The following ARRDC3 variants were observed in gnomAD, a reference collection of about 807,000 sequenced individuals.
ARRDC3 encodes the protein arrestin domain-containing protein 3.
ARRDC3 carries 10 observed loss-of-function variants against 47.2 expected under a neutral mutation model. The observed-to-expected ratio is 0.21, with a 90% CI of 0.13 to 0.36. The LOEUF (loss-of-function observed/expected upper bound fraction) is 0.36. ARRDC3 is among the 10% of genes least tolerant of loss of function. The probability of loss-of-function intolerance (pLI) is 1.00; values close to 1 mark genes in which losing one functional copy is unlikely to be tolerated. For synonymous variants in ARRDC3, 156 were observed against 178.3 expected (o/e 0.87, Z 1.00); for missense variants, 381 against 503.6 (o/e 0.76, Z 2.33).
Position 91,370,221 on chromosome 5 carries a change from ACT to A in ARRDC3, c.*1177_*1178del, listed in dbSNP as rs1336073681. On this transcript the variant is annotated 3_prime_UTR_variant, in exon 8 of 8. Coordinates refer to ENST00000265138, the MANE Select transcript of ARRDC3 (RefSeq NM_020801.4). ...TATGTGTTTTGGAGGTAATTAAGTA[ACT>A]CTGTATAAAAATAAATGCACTTTTC... The A allele has an allele frequency of 6.6e-6, 1 of 152,510 alleles. No homozygotes were observed. The highest frequency in any genetic ancestry group is 2.4e-5 in the African/African-American group (1 of 41,408). 9.4% of individuals were successfully genotyped at this position (152,510 alleles called of 1,614,324 possible). A position where few individuals can be genotyped will look rare whatever the true frequency, so the allele number is the denominator to read the frequency against.
At chr5:91,379,751 C>A (rs2127075385) in intron 1 of ARRDC3, 1 of 151,982 alleles carries the variant, frequency 6.6e-6, no homozygotes, top group East Asian at 1.9e-4. Context: ...TTACGATTAG[C>A]CCCCAGAGTA....
chr5:91,373,433 A>G (rs188685849), intron 7 of ARRDC3, among the ~76,000 whole-genome samples: 2,136 of 147,866 alleles, frequency 0.014, 49 homozygotes, highest in African/African-American at 0.05. Context: ...AAAGTTTAAG[A>G]GAAAAAAAAA....
At chr5:91,374,899 A>G (rs1245482455) in intron 5 of ARRDC3, 23 bp downstream of exon 5, 1 of 1,603,720 alleles carries the variant, frequency 6.2e-7, no homozygotes, top group Admixed American at 1.7e-5. Context: ...AGAAAGGAAA[A>G]AACCTCTTAA....
At position 91,368,697 on chromosome 5, in the gene ARRDC3, T is replaced by C. The variant is rs1460831102; in HGVS notation, c.*2703A>G. The C allele has an allele frequency of 2.6e-5, 4 of 152,298 alleles. No homozygotes were observed. Among genetic ancestry groups the C allele is most frequent in the Non-Finnish European group, 4.4e-5 (3 of 68,024 alleles). The allele number at this position is 152,298 out of a possible 1,614,324, so 9.4% of individuals were successfully genotyped here. The stretch of plus-strand genomic sequence containing the variant: ...CATGTATGGTGAGTTACTAATATGA[T>C]CAAGATTCAAATAAATCTCCAAACA... On this transcript the variant is annotated 3_prime_UTR_variant, in exon 8 of 8. Transcript: ENST00000265138.
intron 3 of ARRDC3, 155 bp downstream of exon 3, chr5:91,376,466 G>A: frequency 1.5e-6 from 1 of 663,536 alleles, no homozygotes; most frequent in Non-Finnish European, 2.4e-6. Flanking sequence ...ATTAATTTCA[G>A]TGTTCTTGAC....
At chr5:91,378,874 AC>A in intron 1 of ARRDC3, 99 bp from the exon 2 acceptor site, 2 of 633,720 alleles carry the variant, frequency 3.2e-6, no homozygotes, top group Non-Finnish European at 5.2e-6. Context: ...AACAATTAAG[AC>A]CACAAAACAA....
chr5:91,376,866 TG>T, intron 2 of ARRDC3, 98 bp from the exon 3 acceptor site: 1 of 1,159,358 alleles, frequency 8.6e-7, no homozygotes, highest in Non-Finnish European at 1.1e-6. Context: ...GTATTGTTTA[TG>T]TTCCAATGAG....
At chr5:91,380,813 C>T (rs1293443758) in intron 1 of ARRDC3, 2 of 152,280 alleles carry the variant, frequency 1.3e-5, no homozygotes, top group Non-Finnish European at 2.9e-5. Context: ...GCCCTCTACT[C>T]AGTTAAAGCC....
chr5:91,375,774 G>A (rs1035734986), intron 3 of ARRDC3, among the ~76,000 whole-genome samples, 161 bp from the exon 4 acceptor site: 3 of 150,964 alleles, frequency 2.0e-5, no homozygotes, highest in East Asian at 1.9e-4. Flanking sequence ...TTAACTAACC[G>A]ATGGTTTTGA....
At chr5:91,380,301 C>T (rs1799420095) in intron 1 of ARRDC3, 1 of 153,004 alleles carries the variant, frequency 6.5e-6, no homozygotes, top group Non-Finnish European at 1.5e-5. Flanking sequence ...CCCGCGCAAC[C>T]TAGCCTGCTG....
In ARRDC3 at chr5:91,370,005, A is replaced by C. The variant is rs1184245446; in HGVS notation, c.*1395T>G. On this transcript the variant is annotated 3_prime_UTR_variant, in exon 8 of 8. Coordinates refer to ENST00000265138, the MANE Select transcript of ARRDC3 (RefSeq NM_020801.4). ...TCTCATTAGAAAAACACAAAAATCC[A>C]AAAGATTTATCGCAGCAAACGTTCT... is the stretch of plus-strand genomic sequence containing the variant. 2.0e-5 allele frequency: 3 copies of C among 152,228 alleles called. No homozygotes were observed. Among genetic ancestry groups the C allele is most frequent in the Non-Finnish European group, 2.9e-5 (2 of 68,036 alleles). The allele number at this position is 152,228 out of a possible 1,614,324, so 9.4% of individuals were successfully genotyped here.
At chr5:91,379,017 AT>A (rs1293768284) in intron 1 of ARRDC3, among the ~76,000 whole-genome samples, 1 of 152,042 alleles carries the variant, frequency 6.6e-6, no homozygotes, top group East Asian at 1.9e-4. Flanking sequence ...CAGGCTTTTT[AT>A]TTTTTCTAAT....
rs935998830 is a variant in ARRDC3 at position 91,378,770 on chromosome 5, C to T, written c.286G>A (p.Asp96Asn). 1 of 1,585,796 alleles carries T rather than the reference C, an allele frequency of 6.3e-7. No individual in the cohort carries two copies. Residue 96 changes from aspartate to asparagine, a missense_variant, in exon 2 of 8, where the codon GAT (aspartate) becomes AAT (asparagine). Transcript: ENST00000265138. ...DILIGHERDD[D>N]NSEEGFHTIH... ...GTGTGGAAGCCTTCTTCGGAATTATCATCATCTAAAACAAACATAAAAAGA... is the reference window on the plus strand; with the variant it reads ...GTGTGGAAGCCTTCTTCGGAATTATTATCATCTAAAACAAACATAAAAAGA...
chr5:91,375,167 G>C lies in ARRDC3; in HGVS notation c.625C>G (p.Gln209Glu), dbSNP rs544736505. 1 of 1,613,046 alleles carries C rather than the reference G, an allele frequency of 6.2e-7. No individual in the cohort carries two copies. The highest frequency in any genetic ancestry group is 1.1e-5 in the South Asian group (1 of 91,066). The change falls in exon 5 of 8, where the codon CAG becomes GAG. Residue 209 changes from glutamine (Q) to glutamate (E), a missense_variant. Physicochemically the swap from Gln to Glu is conservative, Grantham distance 29. Coordinates refer to ENST00000265138, the MANE Select transcript of ARRDC3 (RefSeq NM_020801.4). ...RKGYTPGESI[Q>E]IFAEIENCSS... ...CAGTTCTCAATCTCAGCAAATATCT[G>C]AATTGATTCACCTAGAGAGGGAAAA...
intron 1 of ARRDC3, among the ~76,000 whole-genome samples, chr5:91,379,221 G>GAAT (rs1799378349): frequency 7.2e-6 from 1 of 138,616 alleles, no homozygotes; most frequent in South Asian, 2.4e-4. Flanking sequence ...AGTTTATAGG[G>GAAT]AATAATAATA....
At position 91,371,339 on chromosome 5, in the gene ARRDC3, TC is replaced by T; in HGVS notation, c.*60del. ...AACGTGTCTCCAAGATACTTCTCTG[TC>T]CTCAGCCGGAAGAGATACAGTTCGG... On this transcript the variant is annotated 3_prime_UTR_variant, in exon 8 of 8. Transcript: ENST00000265138. 6.9e-7 allele frequency: 1 copy of T among 1,439,968 alleles called. No homozygotes were observed. Among genetic ancestry groups the T allele is most frequent in the Non-Finnish European group, 9.7e-7 (1 of 1,029,308 alleles). 89.2% of individuals were successfully genotyped at this position (1,439,968 alleles called of 1,614,324 possible).
intron 1 of ARRDC3, among the ~76,000 whole-genome samples, chr5:91,382,472 C>T (rs1255295096): frequency 1.3e-5 from 2 of 152,344 alleles, no homozygotes; most frequent in South Asian, 2.1e-4. Flanking sequence ...AAGACTGCAG[C>T]TTTTACCAAT....
Position 91,383,227 on chromosome 5 carries a change from C to T in ARRDC3, c.-135G>A, listed in dbSNP as rs1368023125. On this transcript the variant is annotated 5_prime_UTR_variant, in exon 1 of 8. Coordinates refer to ENST00000265138, the MANE Select transcript of ARRDC3 (RefSeq NM_020801.4). ...TGCAGGCCGGATCAGTGATTCTCTA[C>T]AAATAGTTCATTGAGATTTCTTAAA... The T allele has an allele frequency of 1.2e-5, 10 of 801,534 alleles. No individual in the cohort carries two copies. Among genetic ancestry groups the T allele is most frequent in the Middle Eastern group, 6.9e-4 (2 of 2,904 alleles). The allele number at this position is 801,534 out of a possible 1,614,324, so 49.7% of individuals were successfully genotyped here.
Position 91,369,389 on chromosome 5 carries a change from T to C in ARRDC3, c.*2011A>G, listed in dbSNP as rs531893561. Reference sequence around the variant, plus strand: ...AAAATGATTCAACAATAAAAAAATATTTCACCCCCATTTCCTTATTATCTA... The same window carrying C: ...AAAATGATTCAACAATAAAAAAATACTTCACCCCCATTTCCTTATTATCTA... On this transcript the variant is annotated 3_prime_UTR_variant, in exon 8 of 8. Coordinates refer to ENST00000265138, the MANE Select transcript of ARRDC3 (RefSeq NM_020801.4). 1 of 152,062 alleles carries C rather than the reference T, an allele frequency of 6.6e-6. No homozygotes were observed. The highest frequency in any genetic ancestry group is 1.5e-5 in the Non-Finnish European group (1 of 67,914). 9.4% of individuals were successfully genotyped at this position (152,062 alleles called of 1,614,324 possible).
Sources: gnomAD v4.1 joint callset for allele counts (sites outside exome capture counted in the v4.1 genomes callset) on GRCh38, gnomAD v4.1.1 for gene constraint, MANE v1.5 for transcripts, NCBI Gene and HGNC (gene_info 2026-07-23, HGNC 2026-07-21) for gene names.